Variants in USP24 observed in about 807,000 individuals in gnomAD.
USP24 encodes the protein ubiquitin carboxyl-terminal hydrolase 24.
USP24 carries 97 observed loss-of-function variants against 361.6 expected under a neutral mutation model. The ratio of observed to expected loss-of-function variants is 0.27; its 90% CI spans 0.23 to 0.32. The LOEUF (loss-of-function observed/expected upper bound fraction) is 0.32. USP24 is among the 10% of genes least tolerant of loss of function. The pLI is 1.00. For missense variants in USP24, 2,353 were observed against 3,165.6 expected (o/e 0.74, Z 6.16); for synonymous variants, 1,098 against 1,124.6 (o/e 0.98, Z 0.47).
intron 23 of USP24, 56 bp from the exon 24 acceptor site, chr1:55,141,787 G>A (rs1646896441): frequency 6.9e-7 from 1 of 1,458,688 alleles, no homozygotes; most frequent in African/African-American, 1.4e-5. Context: ...GGACTCTAGT[G>A]ACATTCTGGA....
chr1:55,171,469 C>T (rs538077420), intron 5 of USP24, 87 bp downstream of exon 5: 1 of 1,440,144 alleles, frequency 6.9e-7, no homozygotes, highest in African/African-American at 1.4e-5. Context: ...TTTTAATCCT[C>T]CCATGTAACT....
At chr1:55,101,783 G>A (rs944958420) in intron 42 of USP24, 80 bp from the exon 43 acceptor site, 17 of 1,434,486 alleles carry the variant, frequency 1.2e-5, no homozygotes, top group East Asian at 5.2e-5. Context: ...ATAGCTATGC[G>A]GGAGATATAT....
intron 38 of USP24, among the ~76,000 whole-genome samples, chr1:55,118,434 C>CA (rs1646184118): frequency 6.6e-6 from 1 of 152,212 alleles, no homozygotes; most frequent in African/African-American, 2.4e-5. Context: ...CCTTACCTTA[C>CA]ACCATAATGC....
intron 1 of USP24, among the ~76,000 whole-genome samples, chr1:55,186,796 T>C (rs1371384697): frequency 6.6e-6 from 1 of 152,092 alleles, no homozygotes; most frequent in African/African-American, 2.4e-5. Flanking sequence ...ATGTAATGGG[T>C]ACAGAGTTTC....
At position 55,125,489 on chromosome 1, in the gene USP24, C is replaced by T; in HGVS notation, c.3791G>A (p.Gly1264Asp). ...TLLDEDLTKDGIEALSSRPFR... is the reference protein window; with the variant it reads ...TLLDEDLTKDDIEALSSRPFR... ...TGGGCGGGAAGAAAGTGCTTCTATA[C>T]CATCTTTGGTGAGGTCTTCATCTAA... Residue 1264 changes from glycine (G) to aspartate (D), a missense_variant, in exon 34 of 68, where the codon GGT becomes GAT. Physicochemically the swap from Gly to Asp is moderately conservative, Grantham distance 94. Around this residue, in one of 8 missense-constraint regions of USP24, gnomAD observed 949 missense variants for 1,280.5 expected, o/e 0.74. Transcript: ENST00000294383. The T allele has an allele frequency of 6.2e-7, 1 of 1,613,962 alleles. No homozygotes were observed. Among genetic ancestry groups the T allele is most frequent in the Non-Finnish European group, 8.5e-7 (1 of 1,179,880 alleles).
intron 20 of USP24, among the ~76,000 whole-genome samples, chr1:55,144,547 T>C (rs977975159): frequency 1.3e-5 from 2 of 152,166 alleles, no homozygotes; most frequent in Non-Finnish European, 2.9e-5. Flanking sequence ...GGCAAAAGAT[T>C]TTAAGATTTC....
At chr1:55,111,009 A>G (rs1645933276) in intron 38 of USP24, among the ~76,000 whole-genome samples, 1 of 152,160 alleles carries the variant, frequency 6.6e-6, no homozygotes, top group Admixed American at 6.5e-5. Context: ...AAAAATGACA[A>G]TAAAACTGCC....
intron 1 of USP24, among the ~76,000 whole-genome samples, chr1:55,199,620 T>TGA (rs1472807809): frequency 3.1e-4 from 30 of 96,420 alleles, no homozygotes; most frequent in African/African-American, 1.0e-3. Flanking sequence ...TGTGTGTGTG[T>TGA]GTGAGAGAGA....
At chr1:55,204,280 TA>T (rs1644648718) in intron 1 of USP24, among the ~76,000 whole-genome samples, 1 of 152,154 alleles carries the variant, frequency 6.6e-6, no homozygotes, top group Non-Finnish European at 1.5e-5. Context: ...GACCAGTTCC[TA>T]AAGCAATTTC....
chr1:55,103,847 T>C (rs781656988), intron 42 of USP24, 29 bp downstream of exon 42: 2 of 1,592,184 alleles, frequency 1.3e-6, no homozygotes, highest in East Asian at 2.2e-5. Flanking sequence ...TCTAAAAAAA[T>C]TAAGTTCATC....
chr1:55,191,862 C>G (rs187999700), intron 1 of USP24, among the ~76,000 whole-genome samples: 1 of 152,060 alleles, frequency 6.6e-6, no homozygotes, highest in Non-Finnish European at 1.5e-5. Context: ...ATTAATCTAC[C>G]CCCACACAGT....
In USP24 at chr1:55,158,970, G is replaced by T; in HGVS notation, c.1135C>A (p.Leu379Met). 3 of 1,597,182 alleles carry T rather than the reference G, an allele frequency of 1.9e-6. No individual in the cohort carries two copies. The highest frequency in any genetic ancestry group is 2.3e-5 in the South Asian group (2 of 88,142). The change falls in exon 10 of 68, where the codon CTG (leucine) becomes ATG (methionine). Residue 379 changes from leucine to methionine, a missense_variant. Around this residue, in one of 8 missense-constraint regions of USP24, gnomAD observed 386 missense variants for 560.5 expected, o/e 0.69. Coordinates refer to ENST00000294383, the MANE Select transcript of USP24 (RefSeq NM_015306.3). ...CGAAGGTCATCCACAATTGTCACCA[G>T]ATCCGGTTGGAAGCGCATGCAAAGT... ...KLLCMRFQPDLVTIVDDLRLD... is the reference protein window; with the variant it reads ...KLLCMRFQPDMVTIVDDLRLD...
In USP24 at chr1:55,092,899, G is replaced by A. The variant is rs1390289429; in HGVS notation, c.6372C>T (p.Asn2124=). The A allele has an allele frequency of 1.3e-6, 2 of 1,577,792 alleles. No individual in the cohort carries two copies. The highest frequency in any genetic ancestry group is 1.7e-6 in the Non-Finnish European group (2 of 1,166,160). Residue 2124 remains asparagine, a synonymous_variant, in exon 53 of 68, where the codon AAC becomes AAT. Coordinates refer to ENST00000294383, the MANE Select transcript of USP24 (RefSeq NM_015306.3). ...ARIYQMVRDE[N]LKFMKNRDVY... ...CATCTCTATTCTTCATAAACTTGAG[G>A]TTCTCATCTCTCACCATCTACAAAA...
At chr1:55,108,315 A>G (rs112364554) in intron 39 of USP24, among the ~76,000 whole-genome samples, 1 of 152,168 alleles carries the variant, frequency 6.6e-6, no homozygotes, top group African/African-American at 2.4e-5. Context: ...TTCATATTGG[A>G]AGTTGAGACT....
intron 50 of USP24, among the ~76,000 whole-genome samples, chr1:55,095,896 A>G (rs1320522830): frequency 1.3e-5 from 2 of 152,222 alleles, no homozygotes; most frequent in Non-Finnish European, 2.9e-5. Context: ...TGAATCCAAT[A>G]CAGCTAAAAA....
chr1:55,162,249 T>G lies in USP24; in HGVS notation c.943A>C (p.Ile315Leu). 6.3e-7 allele frequency: 1 copy of G among 1,590,956 alleles called. No homozygotes were observed. The highest frequency in any genetic ancestry group is 8.5e-7 in the Non-Finnish European group (1 of 1,170,450). Residue 315 changes from isoleucine to leucine, a missense_variant, in exon 8 of 68, where the codon ATT (isoleucine) becomes CTT (leucine). By Grantham distance (5) the Ile-to-Leu change is conservative. Around this residue, in one of 8 missense-constraint regions of USP24, gnomAD observed 386 missense variants for 560.5 expected, o/e 0.69. Coordinates refer to ENST00000294383, the MANE Select transcript of USP24 (RefSeq NM_015306.3). ...TCTGCACACACTCCTAAGGGCTGAA[T>G]CAGTGCTGAGACAGCCTGGAAAAAG... ...DIELGAVSAL[I>L]QPLGVCAEYL...
At chr1:55,104,093 A>G in intron 41 of USP24, 73 bp from the exon 42 acceptor site, 1 of 1,487,800 alleles carries the variant, frequency 6.7e-7, no homozygotes, top group Non-Finnish European at 8.9e-7. Context: ...CTAAATCAAC[A>G]GTTGAAATGA....
At chr1:55,208,684 T>A (rs974095517) in intron 1 of USP24, among the ~76,000 whole-genome samples, 1 of 150,036 alleles carries the variant, frequency 6.7e-6, no homozygotes, top group African/African-American at 2.5e-5. Flanking sequence ...ACGGCTGTAA[T>A]CCCAGCACTC....
intron 1 of USP24, among the ~76,000 whole-genome samples, chr1:55,193,455 C>A (rs1253776112): frequency 1.3e-5 from 2 of 152,062 alleles, no homozygotes; most frequent in African/African-American, 2.4e-5. Context: ...TAGAGGGTAA[C>A]CTTCATTTAA....
Sources: gnomAD v4.1 joint callset for allele counts (sites outside exome capture counted in the v4.1 genomes callset) on GRCh38, gnomAD v4.1.1 for gene constraint, gnomAD v4.1.1 regional missense constraint, MANE v1.5 for transcripts, NCBI Gene and HGNC (gene_info 2026-07-23, HGNC 2026-07-21) for gene names.